Variants in STEAP1B observed in about 807,000 individuals in gnomAD.
The protein encoded by STEAP1B is STEAP family protein MGC87042.
In STEAP1B, 13 loss-of-function variants were observed where a neutral mutation model predicts 27.9. That is an observed-to-expected ratio of 0.47 (90% confidence interval 0.30 to 0.74). The LOEUF (loss-of-function observed/expected upper bound fraction) is 0.74. STEAP1B is among the 30% of genes least tolerant of loss of function. The probability of loss-of-function intolerance (pLI) is 0.06; values close to 1 mark genes in which losing one functional copy is unlikely to be tolerated. For synonymous variants in STEAP1B, 86 were observed against 107.1 expected (o/e 0.80, Z 1.22); for missense variants, 250 against 298.7 (o/e 0.84, Z 1.20).
chr7:22,446,362 T>C (rs912874227), intron 4 of STEAP1B, among the ~76,000 whole-genome samples: 4 of 152,208 alleles, frequency 2.6e-5, no homozygotes, highest in African/African-American at 9.6e-5. Flanking sequence ...CCTATGCCAG[T>C]GGTTCACAAA....
At chr7:22,493,248 A>G (rs1786365726) in intron 3 of STEAP1B, 76 bp downstream of exon 3, 1 of 1,431,860 alleles carries the variant, frequency 7.0e-7, no homozygotes. Flanking sequence ...GGGTATTGAT[A>G]TTACAATGAG....
At chr7:22,463,887 T>C (rs1034102851) in intron 4 of STEAP1B, among the ~76,000 whole-genome samples, 7 of 151,428 alleles carry the variant, frequency 4.6e-5, no homozygotes, top group African/African-American at 1.2e-4. Flanking sequence ...ATTCAGGACA[T>C]AGGCATGGGC....
At chr7:22,463,747 A>G (rs1426519352) in intron 4 of STEAP1B, among the ~76,000 whole-genome samples, 4 of 152,252 alleles carry the variant, frequency 2.6e-5, no homozygotes, top group Non-Finnish European at 2.9e-5. Context: ...AAAACTGGCT[A>G]GCCATATGTA....
intron 4 of STEAP1B, among the ~76,000 whole-genome samples, chr7:22,443,890 C>A (rs1785370710): frequency 6.6e-6 from 1 of 152,210 alleles, no homozygotes; most frequent in South Asian, 2.1e-4. Context: ...AAGCTCTGGG[C>A]CAGAGAAGGA....
intron 4 of STEAP1B, among the ~76,000 whole-genome samples, chr7:22,479,635 C>T (rs1479895770): frequency 6.7e-6 from 1 of 149,752 alleles, no homozygotes; most frequent in Non-Finnish European, 1.5e-5. Flanking sequence ...CTCTCTCCCC[C>T]TAGAGTGGCG....
In STEAP1B at chr7:22,480,298, G is replaced by A. The variant is rs151258213; in HGVS notation, c.762+12267C>T. 3.2e-4 allele frequency among the ~76,000 whole-genome samples: 49 copies of A among 152,278 alleles called. No homozygotes were observed. In the East Asian group the frequency reaches 9.1e-3, roughly 28 times the overall value. On this transcript the variant is annotated intron_variant, in intron 4 of 4. Transcript: ENST00000678116. Reference sequence around the variant, plus strand: ...AAAGTGAGGTCTTCCCACATACACAGCATTTTTCTTTCTTTTGAAAGCTTT... The same window carrying A: ...AAAGTGAGGTCTTCCCACATACACAACATTTTTCTTTCTTTTGAAAGCTTT...
At chr7:22,469,632 G>T (rs1284974023) in intron 4 of STEAP1B, among the ~76,000 whole-genome samples, 1 of 152,078 alleles carries the variant, frequency 6.6e-6, no homozygotes, top group African/African-American at 2.4e-5. Flanking sequence ...TGATACAGCT[G>T]CCTACAGTAT....
intron 4 of STEAP1B, among the ~76,000 whole-genome samples, chr7:22,472,160 T>C (rs999003493): frequency 2.0e-5 from 3 of 152,192 alleles, no homozygotes; most frequent in Non-Finnish European, 4.4e-5. Context: ...AACTAAATTA[T>C]TGTCCCTCTT....
chr7:22,486,028 T>C (rs2128415291), intron 4 of STEAP1B, among the ~76,000 whole-genome samples: 1 of 152,294 alleles, frequency 6.6e-6, no homozygotes, highest in Admixed American at 6.5e-5. Context: ...ACTCAGTGGT[T>C]CTCAAACTCG....
At chr7:22,488,125 G>A (rs936541264) in intron 4 of STEAP1B, among the ~76,000 whole-genome samples, 3 of 152,136 alleles carry the variant, frequency 2.0e-5, no homozygotes, top group Non-Finnish European at 4.4e-5. Context: ...TATTGTCCCA[G>A]TCCTCCGAGT....
chr7:22,429,047 G>A lies in STEAP1B; in HGVS notation c.763-9211C>T, dbSNP rs192872938. On this transcript the variant is annotated intron_variant, in intron 4 of 4. Coordinates refer to ENST00000678116, the MANE Select transcript of STEAP1B (RefSeq NM_001382447.1). Reference sequence around the variant, plus strand: ...CAGTATGAAGGGTAAGCAAGACTGCGGTGTAACAGAAAACCTTATACACTG... The same window carrying A: ...CAGTATGAAGGGTAAGCAAGACTGCAGTGTAACAGAAAACCTTATACACTG... 2.6e-3 allele frequency among the ~76,000 whole-genome samples: 401 copies of A among 152,148 alleles called. 2 individuals carry two copies. The highest frequency in any genetic ancestry group is 3.8e-3 in the Non-Finnish European group (259 of 68,010).
chr7:22,426,270 C>T (rs1315945019), intron 4 of STEAP1B, among the ~76,000 whole-genome samples: 1 of 151,748 alleles, frequency 6.6e-6, no homozygotes. Flanking sequence ...CCATAAAATA[C>T]AAAACAAAAT....
chr7:22,445,937 A>G (rs957205062), intron 4 of STEAP1B, among the ~76,000 whole-genome samples: 50 of 152,330 alleles, frequency 3.3e-4, no homozygotes, highest in African/African-American at 9.1e-4. Flanking sequence ...AAACTTGACA[A>G]CTGGAGAGTT....
At chr7:22,499,326 A>C (rs1786494605) in intron 1 of STEAP1B, among the ~76,000 whole-genome samples, 1 of 151,844 alleles carries the variant, frequency 6.6e-6, no homozygotes. Context: ...CCAACCTTTT[A>C]TACTTTCAAG....
In STEAP1B at chr7:22,456,952, C is replaced by CTATATATATATATATATATATA. The variant is rs199847360; in HGVS notation, c.762+35612_762+35613insTATATATATATATATATATATA. Reference sequence around the variant, plus strand: ...TTCAGAATGGGGGTGGGATAGGCAGCTATATATATATATATATATATTTTT... The same window carrying CTATATATATATATATATATATA: ...TTCAGAATGGGGGTGGGATAGGCAGCTATATATATATATATATATATATATATATATATATATATATATTTTT... On this transcript the variant is annotated intron_variant, in intron 4 of 4. Coordinates refer to ENST00000678116, the MANE Select transcript of STEAP1B (RefSeq NM_001382447.1). Among the ~76,000 whole-genome samples the CTATATATATATATATATATATA allele has an allele frequency of 8.5e-4, 62 of 73,182 alleles. 1 individual carries two copies. Among genetic ancestry groups the CTATATATATATATATATATATA allele is most frequent in the South Asian group, 1.9e-3 (3 of 1,592 alleles). 48.0% of individuals were successfully genotyped at this position (73,182 alleles called of 152,430 possible). A position where few individuals can be genotyped will look rare whatever the true frequency, so the allele number is the denominator to read the frequency against.
intron 4 of STEAP1B, among the ~76,000 whole-genome samples, chr7:22,472,760 C>T (rs760109428): frequency 2.6e-5 from 4 of 152,140 alleles, no homozygotes; most frequent in African/African-American, 4.8e-5. Context: ...ACATTTCACA[C>T]ATGTACATCC....
intron 3 of STEAP1B, 40 bp from the exon 4 acceptor site, chr7:22,492,769 C>G: frequency 6.4e-7 from 1 of 1,557,674 alleles, no homozygotes; most frequent in Non-Finnish European, 8.7e-7. Flanking sequence ...ATGCAAACAA[C>G]AGTTATTTCC....
chr7:22,480,664 T>A (rs976795570), intron 4 of STEAP1B, among the ~76,000 whole-genome samples: 1 of 152,200 alleles, frequency 6.6e-6, no homozygotes, highest in Non-Finnish European at 1.5e-5. Flanking sequence ...ATTATCCCAA[T>A]CATGCTATGG....
intron 4 of STEAP1B, among the ~76,000 whole-genome samples, chr7:22,463,853 C>G (rs1308092926): frequency 6.6e-6 from 1 of 151,274 alleles, no homozygotes; most frequent in Non-Finnish European, 1.5e-5. Flanking sequence ...CATAAAAACC[C>G]TAGAAGAAAA....
Sources: allele counts gnomAD v4.1 joint callset (sites outside exome capture counted in the v4.1 genomes callset), GRCh38; gene constraint gnomAD v4.1.1; transcripts MANE v1.5; gene names NCBI Gene and HGNC (gene_info 2026-07-23, HGNC 2026-07-21).